FAF1: variants seen among roughly 807,000 people sequenced by gnomAD.
FAF1 encodes Fas associated factor 1.
FAF1 carries 25 observed loss-of-function variants against 92.5 expected under a neutral mutation model. The ratio of observed to expected loss-of-function variants is 0.27; its 90% CI spans 0.20 to 0.38. The LOEUF is 0.38. FAF1 is among the 10% of genes least tolerant of loss of function. FAF1 has a pLI of 1.00. For missense variants in FAF1, 636 were observed against 793.3 expected, an observed-to-expected ratio of 0.80 and a Z score of 2.38; for synonymous variants, 234 against 273.2, an observed-to-expected ratio of 0.86 and a Z score of 1.42.
At position 50,615,817 on chromosome 1, in the gene FAF1, G is replaced by A. The variant is rs531099728; in HGVS notation, c.745-19601C>T. Among the ~76,000 whole-genome samples, 14 of 152,080 alleles carry A rather than the reference G, an allele frequency of 9.2e-5. 1 individual carries two copies. The South Asian group carries it at 1.5e-3, about 16-fold the overall frequency. ...TCCCATTCTGTATGTCATTTACTCC[G>A]TCAATAGTTTATTTTTCTGTGCAGA... On this transcript the variant is annotated intron_variant, in intron 8 of 18. Transcript: ENST00000396153.
chr1:50,658,394 T>C (rs1655222348), intron 7 of FAF1, among the ~76,000 whole-genome samples: 1 of 152,108 alleles, frequency 6.6e-6, no homozygotes, highest in African/African-American at 2.4e-5. Flanking sequence ...TACAAACAAA[T>C]AACTTTGGAG....
chr1:50,718,123 G>A (rs1316711484), intron 6 of FAF1, among the ~76,000 whole-genome samples: 2 of 151,960 alleles, frequency 1.3e-5, no homozygotes, highest in South Asian at 2.1e-4. Flanking sequence ...GAGTTCAAGC[G>A]ATTCTCCTGC....
chr1:50,613,416 T>C lies in FAF1; in HGVS notation c.745-17200A>G, dbSNP rs796156391. ...CATCTTCATTTTTTGACAGACATACTGTTTTCATTTCATACTTAATGTTCC... is the reference window on the plus strand; with the variant it reads ...CATCTTCATTTTTTGACAGACATACCGTTTTCATTTCATACTTAATGTTCC... On this transcript the variant is annotated intron_variant, in intron 8 of 18. Coordinates refer to ENST00000396153, the MANE Select transcript of FAF1 (RefSeq NM_007051.3). Among the ~76,000 whole-genome samples the C allele has an allele frequency of 1.2e-4, 19 of 152,326 alleles. No homozygotes were observed. In the East Asian group the frequency reaches 1.9e-3, roughly 15 times the overall value.
chr1:50,847,597 C>T (rs1644313067), intron 2 of FAF1, among the ~76,000 whole-genome samples: 1 of 151,222 alleles, frequency 6.6e-6, no homozygotes, highest in African/African-American at 2.4e-5. Context: ...AGCTGTAGAA[C>T]AAAAAACAAA....
intron 13 of FAF1, 34 bp downstream of exon 13, chr1:50,567,036 TAATAGAA>T: frequency 6.9e-7 from 1 of 1,448,030 alleles, no homozygotes; most frequent in Admixed American, 2.3e-5. Context: ...ATTTTTTTTT[TAATAGAA>T]GCCCAACTTG....
chr1:50,626,752 G>A (rs1376690204), intron 8 of FAF1, among the ~76,000 whole-genome samples: 1 of 152,106 alleles, frequency 6.6e-6, no homozygotes, highest in Non-Finnish European at 1.5e-5. Context: ...AGAGTTGATT[G>A]AGGGGAAGTG....
intron 8 of FAF1, among the ~76,000 whole-genome samples, chr1:50,642,224 T>A (rs895791556): frequency 1.4e-5 from 2 of 144,128 alleles, no homozygotes; most frequent in Non-Finnish European, 1.5e-5. Flanking sequence ...AAAAAAAAAA[T>A]CCTTGTTCTG....
intron 8 of FAF1, among the ~76,000 whole-genome samples, chr1:50,629,770 C>T (rs1036309279): frequency 6.6e-6 from 1 of 151,850 alleles, no homozygotes; most frequent in African/African-American, 2.4e-5. Context: ...AAAGATAAAA[C>T]ATATAAGGCC....
rs1400127357 is a variant in FAF1, at chr1:50,672,332, C to T, written c.658-16804G>A. On this transcript the variant is annotated intron_variant, in intron 7 of 18. Coordinates refer to ENST00000396153, the MANE Select transcript of FAF1 (RefSeq NM_007051.3). ...CTGGGATTACAGGCGTGAGCCACCG[C>T]GCCCCAGCCAGTTTTGTTTTGTTTT... is the stretch of plus-strand genomic sequence containing the variant. Among the ~76,000 whole-genome samples the T allele has an allele frequency of 3.9e-5, 6 of 152,176 alleles. No homozygotes were observed. The South Asian group carries it at 6.2e-4, about 16-fold the overall frequency.
At chr1:50,726,683 T>G (rs779498665) in intron 6 of FAF1, among the ~76,000 whole-genome samples, 3 of 151,642 alleles carry the variant, frequency 2.0e-5, no homozygotes, top group Non-Finnish European at 4.4e-5. Context: ...CAAAAAATTA[T>G]CTGGGCGTGG....
chr1:50,800,029 A>G (rs1661923300), intron 3 of FAF1, among the ~76,000 whole-genome samples: 1 of 152,216 alleles, frequency 6.6e-6, no homozygotes, highest in East Asian at 1.9e-4. Flanking sequence ...TCTCATGTAG[A>G]CATATGTTTC....
chr1:50,875,698 C>T (rs995197333), intron 1 of FAF1, among the ~76,000 whole-genome samples: 1 of 152,036 alleles, frequency 6.6e-6, no homozygotes, highest in African/African-American at 2.4e-5. Context: ...TGATCCACCC[C>T]CCTCGGCCTT....
chr1:50,775,097 T>C (rs1458263363), intron 4 of FAF1, among the ~76,000 whole-genome samples: 3 of 152,132 alleles, frequency 2.0e-5, no homozygotes, highest in Non-Finnish European at 2.9e-5. Flanking sequence ...TGTATACAGC[T>C]ACAGAAAAAA....
At position 50,728,324 on chromosome 1, in the gene FAF1, T is replaced by C. The variant is rs79950897; in HGVS notation, c.551+10539A>G. ...GGAGAATAGCAAAATATAAATGCTC[T>C]AAGGTTTAAGCACACTTAGAAGGTT... is the stretch of plus-strand genomic sequence containing the variant. On this transcript the variant is annotated intron_variant, in intron 6 of 18. Coordinates refer to ENST00000396153, the MANE Select transcript of FAF1 (RefSeq NM_007051.3). Among the ~76,000 whole-genome samples the C allele has an allele frequency of 5.1e-4, 77 of 152,262 alleles. No homozygotes were observed. In the East Asian group the frequency reaches 8.1e-3, roughly 16 times the overall value.
chr1:50,584,388 G>C (rs1314826839), intron 10 of FAF1, among the ~76,000 whole-genome samples: 1 of 152,082 alleles, frequency 6.6e-6, no homozygotes, highest in African/African-American at 2.4e-5. Context: ...AAGTACACCT[G>C]TTTGTTAATC....
Position 50,935,796 on chromosome 1 carries a change from T to C in FAF1, c.45+23971A>G, listed in dbSNP as rs78755251. On this transcript the variant is annotated intron_variant, in intron 1 of 18. Transcript: ENST00000396153. ...CAGATTTATTCTTAAAGCTAACACA[T>C]AGAAGTAATTATGAACGCTACTAGT... Among the ~76,000 whole-genome samples the C allele has an allele frequency of 4.0e-3, 604 of 152,268 alleles. 8 individuals are homozygous for C. The highest frequency in any genetic ancestry group is 0.014 in the African/African-American group (582 of 41,530).
At chr1:50,643,905 C>A (rs1449189998) in intron 8 of FAF1, among the ~76,000 whole-genome samples, 2 of 152,060 alleles carry the variant, frequency 1.3e-5, no homozygotes, top group African/African-American at 4.8e-5. Context: ...CCCACCCTGC[C>A]ATGATACTTT....
At chr1:50,813,767 G>A (rs980827819) in intron 2 of FAF1, among the ~76,000 whole-genome samples, 5 of 151,108 alleles carry the variant, frequency 3.3e-5, no homozygotes, top group South Asian at 2.1e-4. Context: ...CTGTATTGTC[G>A]GCATCTCTCC....
chr1:50,688,558 A>G (rs1278378908), intron 7 of FAF1, among the ~76,000 whole-genome samples: 1 of 152,238 alleles, frequency 6.6e-6, no homozygotes, highest in Non-Finnish European at 1.5e-5. Context: ...CACGCCTGTA[A>G]TCATAGCACT....
Sources: gnomAD v4.1 joint callset for allele counts (sites outside exome capture counted in the v4.1 genomes callset) on GRCh38, gnomAD v4.1.1 for gene constraint, MANE v1.5 for transcripts, NCBI Gene and HGNC (gene_info 2026-07-23, HGNC 2026-07-21) for gene names.